Variants in GRM3 observed in about 807,000 individuals in gnomAD.
GRM3 encodes the protein glutamate metabotropic receptor 3.
GRM3 carries 26 observed loss-of-function variants against 70.5 expected under a neutral mutation model. The observed-to-expected ratio is 0.37, with a 90% CI of 0.27 to 0.51. GRM3 has a LOEUF of 0.51. Among genes scored for constraint, GRM3 ranks in the 20% least tolerant of loss-of-function variants. The pLI is 0.93. For synonymous variants in GRM3, 443 were observed against 434.9 expected, an observed-to-expected ratio of 1.02 and a Z score of -0.23; for missense variants, 859 against 1,123.8, an observed-to-expected ratio of 0.76 and a Z score of 3.37.
chr7:86,766,052 G>T lies in GRM3; in HGVS notation c.468+439G>T, dbSNP rs543227923. Among the ~76,000 whole-genome samples the T allele has an allele frequency of 6.6e-5, 10 of 152,178 alleles. No individual in the cohort carries two copies. In the South Asian group the frequency reaches 2.1e-3, roughly 32 times the overall value. ...GAGAATGCAAACTCAGCTGTACAAAGCTCTTTCAAGTTTCTGCTTGCTTCG... is the reference window on the plus strand; with the variant it reads ...GAGAATGCAAACTCAGCTGTACAAATCTCTTTCAAGTTTCTGCTTGCTTCG... On this transcript the variant is annotated intron_variant, in intron 2 of 5. Coordinates refer to ENST00000361669, the MANE Select transcript of GRM3 (RefSeq NM_000840.3).
In GRM3 at chr7:86,665,612, T is replaced by C. The variant is rs563957367; in HGVS notation, c.-141+20740T>C. 2.0e-5 allele frequency among the ~76,000 whole-genome samples: 3 copies of C among 152,200 alleles called. No homozygotes were observed. The South Asian group carries it at 6.2e-4, about 31-fold the overall frequency. Reference sequence around the variant, plus strand: ...ATCAAATGCTTTCTACTTATTTTTATGGAATTTTCCTTCTAGATCCTGCCA... The same window carrying C: ...ATCAAATGCTTTCTACTTATTTTTACGGAATTTTCCTTCTAGATCCTGCCA... On this transcript the variant is annotated intron_variant, in intron 1 of 5. Coordinates refer to ENST00000361669, the MANE Select transcript of GRM3 (RefSeq NM_000840.3).
chr7:86,676,398 G>A (rs1309962485), intron 1 of GRM3, among the ~76,000 whole-genome samples: 2 of 150,498 alleles, frequency 1.3e-5, no homozygotes, highest in Non-Finnish European at 3.0e-5. Context: ...AATTAACAAG[G>A]TAAAATACCA....
chr7:86,833,799 G>A (rs1376732071), intron 3 of GRM3, among the ~76,000 whole-genome samples: 1 of 152,180 alleles, frequency 6.6e-6, no homozygotes, highest in African/African-American at 2.4e-5. Flanking sequence ...AAGCTAAGGA[G>A]CAGAGCATTT....
intron 1 of GRM3, among the ~76,000 whole-genome samples, chr7:86,695,669 A>C (rs1794798920): frequency 6.6e-6 from 1 of 152,198 alleles, no homozygotes; most frequent in Non-Finnish European, 1.5e-5. Context: ...AAAAAAGTGA[A>C]AGTAACAATG....
chr7:86,683,097 G>A (rs1283059212), intron 1 of GRM3, among the ~76,000 whole-genome samples: 1 of 152,150 alleles, frequency 6.6e-6, no homozygotes, highest in Non-Finnish European at 1.5e-5. Flanking sequence ...ACTCTGAGGT[G>A]ATCTAGATGA....
In GRM3 at chr7:86,786,932, C is replaced by A; in HGVS notation, c.1140C>A (p.Asp380Glu). 18 of 1,614,140 alleles carry A rather than the reference C, an allele frequency of 1.1e-5. No individual in the cohort carries two copies. The highest frequency in any genetic ancestry group is 1.5e-5 in the Non-Finnish European group (18 of 1,179,948). ...RRVCDKHLAIDSSNYEQESKI... is the reference protein window; with the variant it reads ...RRVCDKHLAIESSNYEQESKI... The stretch of plus-strand genomic sequence containing the variant: ...TCTGCGACAAGCACCTGGCCATCGA[C>A]AGCAGCAACTACGAGCAAGAGTCCA... Residue 380 changes from aspartate (D) to glutamate (E), a missense_variant, in exon 3 of 6, where the codon GAC becomes GAA. Coordinates refer to ENST00000361669, the MANE Select transcript of GRM3 (RefSeq NM_000840.3). The surrounding 1 kb of genome is among the most constrained non-coding windows in gnomAD (Gnocchi z 6.0).
chr7:86,705,718 A>C (rs802470), intron 1 of GRM3, among the ~76,000 whole-genome samples: 1,823 of 152,222 alleles, frequency 0.012, 35 homozygotes, highest in African/African-American at 0.041. Context: ...ACAAAAAAGA[A>C]ACAGTTTAGC....
intron 1 of GRM3, among the ~76,000 whole-genome samples, chr7:86,761,815 C>T (rs1218860391): frequency 2.0e-5 from 3 of 152,118 alleles, no homozygotes; most frequent in African/African-American, 7.2e-5. Context: ...GCCAAAGATC[C>T]AGTTTGGACA....
At chr7:86,776,284 C>T (rs1796889345) in intron 2 of GRM3, among the ~76,000 whole-genome samples, 1 of 152,136 alleles carries the variant, frequency 6.6e-6, no homozygotes, top group Non-Finnish European at 1.5e-5. Context: ...GTTAAAATAA[C>T]TAGCCGAAGG....
chr7:86,716,365 T>TACTTAG (rs1158628567), intron 1 of GRM3, among the ~76,000 whole-genome samples: 1 of 152,000 alleles, frequency 6.6e-6, no homozygotes, highest in African/African-American at 2.4e-5. Context: ...AGTATACGTA[T>TACTTAG]TATTCCACTT....
At position 86,839,206 on chromosome 7, in the gene GRM3, C is replaced by A. The variant is rs771420176; in HGVS notation, c.1692C>A (p.Asp564Glu). 1.9e-6 allele frequency: 3 copies of A among 1,613,634 alleles called. No homozygotes were observed. The African/African-American group carries it at 4.0e-5, about 22-fold the overall frequency. The part of the protein sequence containing the change: ...WPTADLTGCY[D>E]LPEDYIRWED... The stretch of plus-strand genomic sequence containing the variant: ...CTGCAGACCTAACTGGATGCTATGA[C>A]CTTCCTGAGGACTACATCAGGTGGG... Residue 564 changes from aspartate to glutamate, a missense_variant, in exon 4 of 6, where the codon GAC (aspartate) becomes GAA (glutamate). Asp to Glu is a conservative substitution (Grantham distance 45, BLOSUM62 2). Transcript: ENST00000361669. This position sits in a 1 kb window ranked among gnomAD's most constrained non-coding sequence, Gnocchi z 4.5.
intron 1 of GRM3, among the ~76,000 whole-genome samples, chr7:86,760,842 T>C (rs1236643214): frequency 1.3e-5 from 2 of 152,142 alleles, no homozygotes; most frequent in East Asian, 1.9e-4. Context: ...TACTTAGATA[T>C]GCCCTGTCAC....
intron 1 of GRM3, among the ~76,000 whole-genome samples, chr7:86,715,472 G>C (rs1795292614): frequency 6.6e-6 from 1 of 151,912 alleles, no homozygotes; most frequent in Non-Finnish European, 1.5e-5. Flanking sequence ...AAGGTGTCTT[G>C]CATTATAAGT....
intron 2 of GRM3, among the ~76,000 whole-genome samples, chr7:86,783,092 AG>A (rs1270583158): frequency 6.6e-6 from 1 of 152,228 alleles, no homozygotes; most frequent in East Asian, 1.9e-4. Context: ...AGAATATTCC[AG>A]AACCAAGCTT....
At chr7:86,822,645 C>T (rs1798145686) in intron 3 of GRM3, among the ~76,000 whole-genome samples, 1 of 152,066 alleles carries the variant, frequency 6.6e-6, no homozygotes, top group Admixed American at 6.5e-5. Flanking sequence ...GGGAAGTGGG[C>T]CAGATTGTGT....
chr7:86,799,364 G>A (rs866923070), intron 3 of GRM3, among the ~76,000 whole-genome samples: 14 of 151,996 alleles, frequency 9.2e-5, no homozygotes, highest in Non-Finnish European at 1.3e-4. Flanking sequence ...TAATTGCCCC[G>A]GACACAACTT....
intron 1 of GRM3, among the ~76,000 whole-genome samples, chr7:86,664,300 TA>T (rs1297781415): frequency 1.3e-5 from 2 of 151,754 alleles, no homozygotes; most frequent in Non-Finnish European, 2.9e-5. Flanking sequence ...AACAGGTGAA[TA>T]AAGAAAAATT....
intron 2 of GRM3, among the ~76,000 whole-genome samples, chr7:86,780,043 G>A (rs1010523331): frequency 3.9e-5 from 6 of 152,172 alleles, no homozygotes; most frequent in East Asian, 3.8e-4. Context: ...TCCCTACAAA[G>A]GACATGAACT....
At chr7:86,755,564 G>A (rs1453412891) in intron 1 of GRM3, among the ~76,000 whole-genome samples, 1 of 152,128 alleles carries the variant, frequency 6.6e-6, no homozygotes, top group Non-Finnish European at 1.5e-5. Flanking sequence ...GGTAGGATTG[G>A]CTATACACCA....
Sources: gnomAD v4.1 joint callset for allele counts (sites outside exome capture counted in the v4.1 genomes callset) on GRCh38, gnomAD v4.1.1 for gene constraint, Gnocchi (gnomAD v3.1) non-coding constraint, MANE v1.5 for transcripts, NCBI Gene and HGNC (gene_info 2026-07-23, HGNC 2026-07-21) for gene names.